MYH6: variants seen among roughly 807,000 people sequenced by gnomAD.
MYH6 encodes the protein myosin heavy chain 6, also known as myosin-6.
A neutral mutation model predicts 223.2 loss-of-function variants in MYH6; 126 were observed. The ratio of observed to expected loss-of-function variants is 0.56; its 90% CI spans 0.49 to 0.65. The LOEUF is 0.65. Among genes scored for constraint, MYH6 ranks in the 30% least tolerant of loss-of-function variants. The pLI is 0.00. For missense variants in MYH6, 2,040 were observed against 2,536.4 expected (o/e 0.80, Z 4.20); for synonymous variants, 978 against 1,010.2 (o/e 0.97, Z 0.61).
In MYH6 at chr14:23,400,931, C is replaced by T; in HGVS notation, c.1188G>A (p.Leu396=). ...CCCGAGGGTGGCACAGCCCCTTGAG[C>T]AGGTCAGCTGAGTTCAGCCCCATGA... ...AYLMGLNSAD[L]LKGLCHPRVK... Residue 396 remains leucine, a synonymous_variant, in exon 13 of 39, where the codon CTG becomes CTA. Coordinates refer to ENST00000405093, the MANE Select transcript of MYH6 (RefSeq NM_002471.4). 6.2e-7 allele frequency: 1 copy of T among 1,614,212 alleles called. No homozygotes were observed. The highest frequency in any genetic ancestry group is 8.5e-7 in the Non-Finnish European group (1 of 1,180,028).
rs372226248 is a variant in MYH6 at position 23,389,069 on chromosome 14, G to C, written c.3979-14C>G. The C allele has an allele frequency of 8.5e-5, 130 of 1,528,596 alleles. No homozygotes were observed. In the Middle Eastern group the frequency reaches 8.7e-4, roughly 10 times the overall value. The allele number at this position is 1,528,596 out of a possible 1,614,324, so 94.7% of individuals were successfully genotyped here. A position where few individuals can be genotyped will look rare whatever the true frequency, so the allele number is the denominator to read the frequency against. On this transcript the variant is annotated splice_polypyrimidine_tract_variant and intron_variant, in intron 28 of 38. Coordinates refer to ENST00000405093, the MANE Select transcript of MYH6 (RefSeq NM_002471.4). ...GGCGTTCTTCGCCTGGGGAGGGGGG[G>C]GGGCACCAGGAGGTGGGAGGGACTC...
chr14:23,393,936 G>A (rs779620329), intron 21 of MYH6, 28 bp from the exon 22 acceptor site: 1 of 1,614,136 alleles, frequency 6.2e-7, no homozygotes, highest in East Asian at 2.2e-5. Flanking sequence ...GGAGGAAGCT[G>A]ATGGTTAAAG....
chr14:23,404,901 C>T, intron 6 of MYH6, 79 bp from the exon 7 acceptor site: 1 of 1,512,646 alleles, frequency 6.6e-7, no homozygotes, highest in Non-Finnish European at 9.2e-7. Context: ...TGCTCCCCTT[C>T]CCAGCCTGGC....
intron 29 of MYH6, 197 bp downstream of exon 29, chr14:23,388,662 C>T (rs761842146): frequency 5.2e-5 from 50 of 961,408 alleles, no homozygotes; most frequent in Non-Finnish European, 7.5e-5. Context: ...AAAGCTCGCC[C>T]GTCACAGGAA....
At chr14:23,400,164 G>A in intron 14 of MYH6, 92 bp downstream of exon 14, 1 of 1,590,578 alleles carries the variant, frequency 6.3e-7, no homozygotes, top group South Asian at 1.1e-5. Context: ...GGGATTCTTG[G>A]GACTCTAGTT....
rs779591168 is a variant in MYH6, at chr14:23,387,918, C to T, written c.4365G>A (p.Leu1455=). ...CCTCATACTTCTGCTTCCACTCGGC[C>T]AGGATCTGCCCGGGGACAAGGCTCA... is the stretch of plus-strand genomic sequence containing the variant. The part of the protein sequence containing the change: ...DKKQRNFDKI[L]AEWKQKYEES... Residue 1455 remains leucine (L), a synonymous_variant, in exon 31 of 39, where the codon CTG becomes CTA. Coordinates refer to ENST00000405093, the MANE Select transcript of MYH6 (RefSeq NM_002471.4). 2 of 1,613,648 alleles carry T rather than the reference C, an allele frequency of 1.2e-6. No individual in the cohort carries two copies. Among genetic ancestry groups the T allele is most frequent in the East Asian group, 4.5e-5 (2 of 44,864 alleles).
intron 14 of MYH6, 165 bp downstream of exon 14, chr14:23,400,091 G>A (rs1297513422): frequency 1.9e-6 from 2 of 1,038,910 alleles, no homozygotes; most frequent in South Asian, 1.4e-5. Flanking sequence ...GAAGAGTGGG[G>A]GGATCATCCT....
At chr14:23,404,050 G>T (rs1311158171) in intron 8 of MYH6, among the ~76,000 whole-genome samples, 1 of 152,206 alleles carries the variant, frequency 6.6e-6, no homozygotes, top group Non-Finnish European at 1.5e-5. Flanking sequence ...CCAGTAATCT[G>T]CAGGGTGGAT....
chr14:23,389,941 C>T (rs889979681), intron 26 of MYH6, 116 bp downstream of exon 26: 105 of 1,598,198 alleles, frequency 6.6e-5, no homozygotes, highest in Middle Eastern at 3.9e-4. Flanking sequence ...GGAAGAGAGA[C>T]CAAAGGGTGA....
In MYH6 at chr14:23,397,232, T is replaced by C. The variant is rs1891425952; in HGVS notation, c.1988A>G (p.Asn663Ser). The C allele has an allele frequency of 4.3e-6, 7 of 1,614,112 alleles. No individual in the cohort carries two copies. The highest frequency in any genetic ancestry group is 5.9e-6 in the Non-Finnish European group (7 of 1,179,996). The change falls in exon 17 of 39, where the codon AAC becomes AGC. Residue 663 changes from asparagine to serine, a missense_variant. This residue lies in a region of MYH6 where 649 missense variants were observed against 877.3 expected (regional missense o/e 0.74). Transcript: ENST00000405093. ...AAAGTGAGGATGGGTGGTCCTCAGG[T>C]TGGTCATTAGCTTGTTGAGATTTTC... The part of the protein sequence containing the change: ...HRENLNKLMT[N>S]LRTTHPHFVR...
intron 11 of MYH6, 44 bp from the exon 12 acceptor site, chr14:23,402,646 C>T (rs764865937): frequency 1.9e-6 from 3 of 1,613,578 alleles, no homozygotes; most frequent in African/African-American, 1.3e-5. Flanking sequence ...GAGCGGTGGC[C>T]CCAGGAGCTC....
chr14:23,407,004 G>T lies in MYH6; in HGVS notation c.201+19C>A. 1 of 1,612,162 alleles carries T rather than the reference G, an allele frequency of 6.2e-7. No homozygotes were observed. Among genetic ancestry groups the T allele is most frequent in the South Asian group, 1.1e-5 (1 of 90,942 alleles). On this transcript the variant is annotated intron_variant, in intron 3 of 38. Coordinates refer to ENST00000405093, the MANE Select transcript of MYH6 (RefSeq NM_002471.4). The surrounding 1 kb of genome is among the most constrained non-coding windows in gnomAD (Gnocchi z 5.6). Reference sequence around the variant, plus strand: ...CCCAGACCTCCTTCCCTTCTGCCCCGGCGCCATGCCCTACTCACCTTCCCA... The same window carrying T: ...CCCAGACCTCCTTCCCTTCTGCCCCTGCGCCATGCCCTACTCACCTTCCCA...
In MYH6 at chr14:23,396,742, G is replaced by A. The variant is rs566016734; in HGVS notation, c.2244C>T (p.Leu748=). The A allele has an allele frequency of 2.5e-5, 41 of 1,614,002 alleles. No homozygotes were observed. The highest frequency in any genetic ancestry group is 3.2e-5 in the Non-Finnish European group (38 of 1,179,878). The part of the protein sequence containing the change: ...IDSRKGTEKL[L]SSLDIDHNQY... ...GGTTGTGATCAATGTCCAGAGAGCTGAGCAGCTTCTCTGTCCCCTTCCTGC... is the reference window on the plus strand; with the variant it reads ...GGTTGTGATCAATGTCCAGAGAGCTAAGCAGCTTCTCTGTCCCCTTCCTGC... Residue 748 remains leucine (L), a synonymous_variant, in exon 19 of 39, where the codon CTC becomes CTT. Coordinates refer to ENST00000405093, the MANE Select transcript of MYH6 (RefSeq NM_002471.4).
At position 23,386,440 on chromosome 14, in the gene MYH6, C is replaced by A; in HGVS notation, c.4834G>T (p.Glu1612Ter). ...SLDAETRSRN[E>*]VLRVKKKMEG... is the part of the protein sequence containing the mutation. ...ATCTTCTTCTTCACCCTCAGGACCT[C>A]GTTGCGGCTGCGTGTCTCTGCATCC... The change falls in exon 33 of 39, where the codon GAG becomes TAG. Residue 1612 changes from glutamate (E) to a stop codon, truncating the protein, a stop_gained. Transcript: ENST00000405093. LOFTEE classifies it high-confidence loss of function. 1 of 1,614,188 alleles carries A rather than the reference C, an allele frequency of 6.2e-7. No homozygotes were observed. Among genetic ancestry groups the A allele is most frequent in the South Asian group, 1.1e-5 (1 of 91,088 alleles).
rs536913903 is a variant in MYH6, at chr14:23,402,905, C to T, written c.899-105G>A. The T allele has an allele frequency of 1.7e-4, 133 of 776,342 alleles. 2 individuals are homozygous for T. Among genetic ancestry groups the T allele is most frequent in the South Asian group, 1.5e-3 (100 of 68,498 alleles). 48.1% of individuals were successfully genotyped at this position (776,342 alleles called of 1,614,324 possible). A position where few individuals can be genotyped will look rare whatever the true frequency, so the allele number is the denominator to read the frequency against. ...GGGAGGGGCAGGGAGGGGTAAGGGA[C>T]GGGGTGAATGGAGGAAGGGAGGACA... On this transcript the variant is annotated intron_variant, in intron 10 of 38. Coordinates refer to ENST00000405093, the MANE Select transcript of MYH6 (RefSeq NM_002471.4).
intron 13 of MYH6, 118 bp downstream of exon 13, chr14:23,400,591 C>T: frequency 6.3e-7 from 1 of 1,588,074 alleles, no homozygotes; most frequent in Non-Finnish European, 8.6e-7. Flanking sequence ...CTGCCTCTGT[C>T]ACCACACAGT....
chr14:23,403,818 G>C lies in MYH6; in HGVS notation c.736-40C>G, dbSNP rs1891689462. ...GACAGAGTGAGGGAACTGGCGGGAAGGACAGAGTGAAATCCTGGCCCTCTG... is the reference window on the plus strand; with the variant it reads ...GACAGAGTGAGGGAACTGGCGGGAACGACAGAGTGAAATCCTGGCCCTCTG... On this transcript the variant is annotated intron_variant, in intron 8 of 38. Transcript: ENST00000405093. 9 of 1,548,316 alleles carry C rather than the reference G, an allele frequency of 5.8e-6. No individual in the cohort carries two copies. The East Asian group carries it at 1.4e-4, about 24-fold the overall frequency.
chr14:23,405,523 G>A lies in MYH6; in HGVS notation c.345+104C>T. The stretch of plus-strand genomic sequence containing the variant: ...AGGGGTGGAGGGGGGAAGGGGACTT[G>A]GGTCCCTTGGGAGTCTCTCCCCCTC... On this transcript the variant is annotated intron_variant, in intron 4 of 38. Transcript: ENST00000405093. This position sits in a 1 kb window ranked among gnomAD's most constrained non-coding sequence, Gnocchi z 4.7. 2 of 1,594,244 alleles carry A rather than the reference G, an allele frequency of 1.3e-6. No homozygotes were observed. The highest frequency in any genetic ancestry group is 4.5e-5 in the East Asian group (2 of 44,376).
chr14:23,400,711 C>T lies in MYH6; in HGVS notation c.1408G>A (p.Asp470Asn), dbSNP rs777651128. Residue 470 changes from aspartate to asparagine, a missense_variant and splice_region_variant, in exon 13 of 39, where the codon GAC becomes AAC. Around this residue, in one of 4 missense-constraint regions of MYH6, gnomAD observed 649 missense variants for 877.3 expected, o/e 0.74. Coordinates refer to ENST00000405093, the MANE Select transcript of MYH6 (RefSeq NM_002471.4). ...CACTCCCAGGGGTCCCAACTCACGT[C>T]GAAGATCTCGAAGCCAGCGATGTCC... Reference protein sequence around the residue: ...VLDIAGFEIFDFNSFEQLCIN... With the variant: ...VLDIAGFEIFNFNSFEQLCIN... 30 of 1,614,226 alleles carry T rather than the reference C, an allele frequency of 1.9e-5. No individual in the cohort carries two copies. The highest frequency in any genetic ancestry group is 2.2e-5 in the Non-Finnish European group (26 of 1,180,050).
Sources: allele counts gnomAD v4.1 joint callset (sites outside exome capture counted in the v4.1 genomes callset), GRCh38; gene constraint gnomAD v4.1.1; regional missense constraint gnomAD v4.1.1; non-coding constraint Gnocchi (gnomAD v3.1); transcripts MANE v1.5; gene names NCBI Gene and HGNC (gene_info 2026-07-23, HGNC 2026-07-21).